Variants in TSPEAR observed in about 807,000 individuals in gnomAD.
TSPEAR encodes thrombospondin type laminin G domain and EAR repeats.
In TSPEAR, 69 loss-of-function variants were observed where a neutral mutation model predicts 71.6. The observed-to-expected ratio is 0.96, with a 90% confidence interval of 0.79 to 1.18. The LOEUF (loss-of-function observed/expected upper bound fraction) is 1.18, where lower values mean the gene tolerates loss of function less well. TSPEAR is among the 50% of genes most tolerant of loss of function. TSPEAR has a pLI of 0.00. For synonymous variants in TSPEAR, 402 were observed against 387.2 expected, an observed-to-expected ratio of 1.04 and a Z score of -0.45; for missense variants, 971 against 894.9, an observed-to-expected ratio of 1.09 and a Z score of -1.09.
chr21:44,514,476 C>T (rs1410434262), intron 9 of TSPEAR, among the ~76,000 whole-genome samples: 4 of 152,212 alleles, frequency 2.6e-5, no homozygotes, highest in Non-Finnish European at 5.9e-5. Flanking sequence ...GGGGTCCTTA[C>T]TAACATGGTG....
chr21:44,643,424 T>C (rs1384313115), intron 1 of TSPEAR, among the ~76,000 whole-genome samples: 2 of 152,168 alleles, frequency 1.3e-5, no homozygotes, highest in Non-Finnish European at 2.9e-5. Flanking sequence ...CATCACAAAA[T>C]AAAGGTAACT....
chr21:44,657,873 GT>G, intron 1 of TSPEAR: 1 of 1,057,266 alleles, frequency 9.5e-7, no homozygotes. Context: ...CAACAGTTGT[GT>G]TTTTGTGTTA....
chr21:44,695,404 C>T lies in TSPEAR; in HGVS notation c.82+16029G>A, dbSNP rs1183624953. The stretch of plus-strand genomic sequence containing the variant: ...TCGGGGGTCGGGTCATGACACACAG[C>T]AGGAAATGAATGCACGACTCAGGCC... On this transcript the variant is annotated intron_variant, in intron 1 of 11. Transcript: ENST00000323084. The surrounding 1 kb of genome is among the most constrained non-coding windows in gnomAD (Gnocchi z 4.5). 6.6e-6 allele frequency among the ~76,000 whole-genome samples: 1 copy of T among 152,116 alleles called. No homozygotes were observed. The highest frequency in any genetic ancestry group is 1.9e-4 in the East Asian group (1 of 5,192).
intron 9 of TSPEAR, 93 bp from the exon 10 acceptor site, chr21:44,509,479 A>C (rs1375706931): frequency 2.3e-5 from 1 of 44,344 alleles, no homozygotes; most frequent in Non-Finnish European, 3.5e-5. Flanking sequence ...GCGGGCGCAG[A>C]GGTGTGGGGG....
At chr21:44,644,640 G>A (rs1280069296) in intron 1 of TSPEAR, among the ~76,000 whole-genome samples, 1 of 152,076 alleles carries the variant, frequency 6.6e-6, no homozygotes, top group Admixed American at 6.5e-5. Flanking sequence ...CCAATGAGCA[G>A]ACTATCTGAT....
chr21:44,581,132 A>G (rs1027309059), intron 1 of TSPEAR, among the ~76,000 whole-genome samples: 1 of 152,302 alleles, frequency 6.6e-6, no homozygotes, highest in African/African-American at 2.4e-5. Flanking sequence ...GGGAATGCTC[A>G]GAGATTTGGT....
At chr21:44,606,245 T>C (rs1279166892) in intron 1 of TSPEAR, among the ~76,000 whole-genome samples, 3 of 151,550 alleles carry the variant, frequency 2.0e-5, no homozygotes, top group African/African-American at 7.3e-5. Context: ...AGAAGCCATT[T>C]AAATGGACAG....
At chr21:44,588,567 A>G (rs2146115384) in intron 1 of TSPEAR, among the ~76,000 whole-genome samples, 1 of 151,970 alleles carries the variant, frequency 6.6e-6, no homozygotes, top group African/African-American at 2.4e-5. Context: ...CAAAAAAGAT[A>G]CTTGCTCACG....
intron 1 of TSPEAR, among the ~76,000 whole-genome samples, chr21:44,609,067 T>C (rs1981494599): frequency 6.6e-6 from 1 of 152,196 alleles, no homozygotes; most frequent in Non-Finnish European, 1.5e-5. Context: ...TGCAGCAACA[T>C]GGTGCTTCTC....
intron 1 of TSPEAR, among the ~76,000 whole-genome samples, chr21:44,689,419 G>A (rs923374607): frequency 6.6e-6 from 1 of 151,008 alleles, no homozygotes; most frequent in African/African-American, 2.4e-5. Flanking sequence ...GGAGAATGGC[G>A]TGAACCTGGG....
chr21:44,557,281 T>C (rs1477513282), intron 2 of TSPEAR, among the ~76,000 whole-genome samples: 1 of 152,154 alleles, frequency 6.6e-6, no homozygotes, highest in African/African-American at 2.4e-5. Flanking sequence ...CAAAGGTGGT[T>C]ACTCAGCTGC....
intron 1 of TSPEAR, among the ~76,000 whole-genome samples, chr21:44,578,088 T>C (rs144266): frequency 0.92 from 140,255 of 152,276 alleles, 64,984 homozygotes; most frequent in Non-Finnish European, 0.97. Flanking sequence ...TGAGGCCTCC[T>C]CAGCCATGTG....
At chr21:44,601,187 C>G in intron 1 of TSPEAR, 2 of 1,596,098 alleles carry the variant, frequency 1.3e-6, no homozygotes. Flanking sequence ...TGCTGCCAGG[C>G]GGTCTGTGAG....
chr21:44,677,396 G>C, intron 1 of TSPEAR: 1 of 1,271,010 alleles, frequency 7.9e-7, no homozygotes, highest in Non-Finnish European at 1.1e-6. Context: ...GGACCACAGT[G>C]TTCTGAGCTG....
rs370419196 is a variant in TSPEAR, at chr21:44,601,677, C to T, written c.83-33672G>A. ...CCTGTGTGTCTCTCCTTTGCCGCCC[C>T]GCATGCTCCCGCCCGGCCTGCTGTG... On this transcript the variant is annotated intron_variant, in intron 1 of 11. Coordinates refer to ENST00000323084, the MANE Select transcript of TSPEAR (RefSeq NM_144991.3). The T allele has an allele frequency of 9.5e-4, 1,539 of 1,612,832 alleles. 1 individual carries two copies. The highest frequency in any genetic ancestry group is 1.3e-3 in the Non-Finnish European group (1,490 of 1,179,226).
chr21:44,592,505 G>A (rs1346446984), intron 1 of TSPEAR: 2 of 1,589,436 alleles, frequency 1.3e-6, no homozygotes, highest in Non-Finnish European at 1.7e-6. Flanking sequence ...AACTGGTGGA[G>A]GGTGAGGGAG....
At chr21:44,649,223 C>A (rs1984626849) in intron 1 of TSPEAR, among the ~76,000 whole-genome samples, 1 of 152,204 alleles carries the variant, frequency 6.6e-6, no homozygotes, top group Admixed American at 6.5e-5. Context: ...CTCCAGCCTG[C>A]AGACACCCTC....
At chr21:44,540,606 C>T (rs2053204312) in intron 2 of TSPEAR, among the ~76,000 whole-genome samples, 1 of 152,214 alleles carries the variant, frequency 6.6e-6, no homozygotes, top group South Asian at 2.1e-4. Flanking sequence ...AGCGGGTCCT[C>T]ACTGAAGAGG....
intron 1 of TSPEAR, chr21:44,601,335 C>T: frequency 6.2e-7 from 1 of 1,613,674 alleles, no homozygotes; most frequent in Non-Finnish European, 8.5e-7. Flanking sequence ...AGCCCGTCTG[C>T]TGTGTGCCCA....
Sources: gnomAD v4.1 joint callset for allele counts (sites outside exome capture counted in the v4.1 genomes callset) on GRCh38, gnomAD v4.1.1 for gene constraint, Gnocchi (gnomAD v3.1) non-coding constraint, MANE v1.5 for transcripts, NCBI Gene and HGNC (gene_info 2026-07-23, HGNC 2026-07-21) for gene names.